SYT17: variants seen among roughly 807,000 people sequenced by gnomAD.
The protein encoded by SYT17 is synaptotagmin-17.
Under a neutral mutation model 46.7 loss-of-function variants are expected in SYT17, and 22 were observed. The ratio of observed to expected loss-of-function variants is 0.47; its 90% CI spans 0.34 to 0.67. The LOEUF (loss-of-function observed/expected upper bound fraction) is 0.67, where lower values mean the gene tolerates loss of function less well. SYT17 is among the 30% of genes least tolerant of loss of function. The pLI, the probability that SYT17 is intolerant of heterozygous loss-of-function variation, is 0.01. For missense variants in SYT17, 519 were observed against 612.8 expected, an observed-to-expected ratio of 0.85 and a Z score of 1.62; for synonymous variants, 251 against 248.4, an observed-to-expected ratio of 1.01 and a Z score of -0.10.
intron 3 of SYT17, 92 bp from the exon 4 acceptor site, chr16:19,180,299 C>T (rs1567199265): frequency 5.8e-6 from 8 of 1,379,470 alleles, no homozygotes; most frequent in East Asian, 2.3e-5. Context: ...AGTCTGAGAG[C>T]GGTTTCATCG....
intron 7 of SYT17, 49 bp from the exon 8 acceptor site, chr16:19,266,831 C>T (rs367946725): frequency 1.3e-6 from 2 of 1,559,282 alleles, no homozygotes. Flanking sequence ...TGTTCTGTTC[C>T]CCTCCTTCCT....
rs115531183 is a variant in SYT17 at position 19,228,842 on chromosome 16, A to G, written c.1228+4004A>G. ...AGGCCGAGGAACCAAAGCCCAGCCT[A>G]TTAGCATGTTTCCAAACACTTCATA... On this transcript the variant is annotated intron_variant, in intron 7 of 7. Coordinates refer to ENST00000355377, the MANE Select transcript of SYT17 (RefSeq NM_016524.4). 1.3e-3 allele frequency among the ~76,000 whole-genome samples: 201 copies of G among 152,340 alleles called. 1 individual carries two copies. Among genetic ancestry groups the G allele is most frequent in the African/African-American group, 4.7e-3 (197 of 41,580 alleles).
intron 5 of SYT17, among the ~76,000 whole-genome samples, chr16:19,214,862 T>C (rs1966033872): frequency 6.6e-6 from 1 of 151,976 alleles, no homozygotes; most frequent in Admixed American, 6.6e-5. Context: ...CAATCTCAGC[T>C]CACTGAAACT....
rs1963952155 is a variant in SYT17, at chr16:19,168,509, C to T, written c.-138C>T. On this transcript the variant is annotated 5_prime_UTR_variant, in exon 1 of 8. Coordinates refer to ENST00000355377, the MANE Select transcript of SYT17 (RefSeq NM_016524.4). This position sits in a 1 kb window ranked among gnomAD's most constrained non-coding sequence, Gnocchi z 6.9. ...GGAGGGGCGGGCGCCGCTCATCAGC[C>T]ACGCCAGTCACGTCTGGGGCCACCG... 1.1e-5 allele frequency: 13 copies of T among 1,229,810 alleles called. No individual in the cohort carries two copies. Among genetic ancestry groups the T allele is most frequent in the Non-Finnish European group, 1.5e-5 (13 of 885,992 alleles). 76.2% of individuals were successfully genotyped at this position (1,229,810 alleles called of 1,614,324 possible).
At chr16:19,170,809 A>G (rs939467657) in intron 1 of SYT17, 1 of 152,116 alleles carries the variant, frequency 6.6e-6, no homozygotes, top group Non-Finnish European at 1.5e-5. Flanking sequence ...TGCAAGCCCT[A>G]TGAGGGTATA....
rs1349645585 is a variant in SYT17 at position 19,183,069 on chromosome 16, C to T, written c.332-459C>T. On this transcript the variant is annotated intron_variant, in intron 4 of 7. Coordinates refer to ENST00000355377, the MANE Select transcript of SYT17 (RefSeq NM_016524.4). This position sits in a 1 kb window ranked among gnomAD's most constrained non-coding sequence, Gnocchi z 5.6. ...GAATTCCACCCAGGCACTCTGGTCCCAGAGCTCACTCTCTTAAAGTGGAGA... is the reference window on the plus strand; with the variant it reads ...GAATTCCACCCAGGCACTCTGGTCCTAGAGCTCACTCTCTTAAAGTGGAGA... 1.3e-5 allele frequency among the ~76,000 whole-genome samples: 2 copies of T among 152,164 alleles called. No homozygotes were observed. Among genetic ancestry groups the T allele is most frequent in the African/African-American group, 4.8e-5 (2 of 41,430 alleles).
At chr16:19,218,246 C>T (rs964547804) in intron 5 of SYT17, among the ~76,000 whole-genome samples, 3 of 152,152 alleles carry the variant, frequency 2.0e-5, no homozygotes, top group Non-Finnish European at 4.4e-5. Flanking sequence ...GTTACATGAG[C>T]GTTTATTAAA....
At position 19,223,321 on chromosome 16, in the gene SYT17, G is replaced by A. The variant is rs141189442; in HGVS notation, c.1072+156G>A. ...ATCTTAGTAACCCTATTGGAATTGGGGAGTTGACTGAGACTGGTTGTGATA... is the reference window on the plus strand; with the variant it reads ...ATCTTAGTAACCCTATTGGAATTGGAGAGTTGACTGAGACTGGTTGTGATA... On this transcript the variant is annotated intron_variant, in intron 6 of 7. Transcript: ENST00000355377. Among the ~76,000 whole-genome samples, 65 of 152,276 alleles carry A rather than the reference G, an allele frequency of 4.3e-4. No homozygotes were observed. The East Asian group carries it at 0.012, about 28-fold the overall frequency.
intron 7 of SYT17, among the ~76,000 whole-genome samples, chr16:19,243,326 T>C (rs1967274646): frequency 6.6e-6 from 1 of 152,164 alleles, no homozygotes; most frequent in Non-Finnish European, 1.5e-5. Context: ...TATCTGCTGA[T>C]GTGGCAAGCA....
chr16:19,244,238 A>C (rs1404348335), intron 7 of SYT17, among the ~76,000 whole-genome samples: 2 of 152,232 alleles, frequency 1.3e-5, no homozygotes, highest in Non-Finnish European at 2.9e-5. Context: ...CTACAAAGCT[A>C]GAAGTCACTG....
chr16:19,197,389 G>T (rs1362347357), intron 5 of SYT17, among the ~76,000 whole-genome samples: 1 of 151,902 alleles, frequency 6.6e-6, no homozygotes, highest in Non-Finnish European at 1.5e-5. Context: ...TTAGAGACAG[G>T]GCCTCTAAAG....
At chr16:19,200,586 T>A (rs1280455139) in intron 5 of SYT17, among the ~76,000 whole-genome samples, 1 of 152,206 alleles carries the variant, frequency 6.6e-6, no homozygotes, top group Non-Finnish European at 1.5e-5. Flanking sequence ...TTGACTTGGC[T>A]CCATGGACTG....
chr16:19,259,550 C>T (rs935544313), intron 7 of SYT17, among the ~76,000 whole-genome samples: 2 of 152,158 alleles, frequency 1.3e-5, no homozygotes, highest in African/African-American at 4.8e-5. Flanking sequence ...TTAAGTTACT[C>T]CAGATGGGAA....
chr16:19,219,408 C>CAAAAAAAA (rs1245756343), intron 5 of SYT17, among the ~76,000 whole-genome samples: 1 of 1,344 alleles, frequency 7.4e-4, no homozygotes, highest in African/African-American at 3.9e-3. Flanking sequence ...GACTCCGTCT[C>CAAAAAAAA]AAAAAAAAAA....
chr16:19,180,314 T>C, intron 3 of SYT17, 77 bp from the exon 4 acceptor site: 8 of 1,547,746 alleles, frequency 5.2e-6, no homozygotes, highest in Non-Finnish European at 7.1e-6. Flanking sequence ...TCATCGTGGG[T>C]CTTAACCCCC....
intron 7 of SYT17, among the ~76,000 whole-genome samples, chr16:19,238,044 C>G (rs956802560): frequency 1.3e-5 from 2 of 152,210 alleles, no homozygotes; most frequent in Non-Finnish European, 2.9e-5. Context: ...ATCCTTCCAG[C>G]TGTTGAGAGG....
intron 7 of SYT17, among the ~76,000 whole-genome samples, chr16:19,259,177 A>G (rs10852224): frequency 0.46 from 70,069 of 151,970 alleles, 16,819 homozygotes; most frequent in East Asian, 0.61. Context: ...AAGCGAAATC[A>G]GAAGAGAAAA....
At chr16:19,252,460 T>TAC (rs1306118133) in intron 7 of SYT17, among the ~76,000 whole-genome samples, 1 of 9,970 alleles carries the variant, frequency 1.0e-4, no homozygotes, top group Non-Finnish European at 1.6e-4. Flanking sequence ...CATATATACA[T>TAC]ATATATATAC....
intron 5 of SYT17, among the ~76,000 whole-genome samples, chr16:19,203,301 G>C (rs1476081986): frequency 1.3e-5 from 2 of 149,470 alleles, no homozygotes; most frequent in Non-Finnish European, 2.9e-5. Context: ...GACCAGCCTA[G>C]CCAACATGGT....
Sources: gnomAD v4.1 joint callset for allele counts (sites outside exome capture counted in the v4.1 genomes callset) on GRCh38, gnomAD v4.1.1 for gene constraint, Gnocchi (gnomAD v3.1) non-coding constraint, MANE v1.5 for transcripts, NCBI Gene and HGNC (gene_info 2026-07-23, HGNC 2026-07-21) for gene names.